Variants in FGF13 observed in about 807,000 individuals in gnomAD.
FGF13 encodes the protein fibroblast growth factor 13.
Under a neutral mutation model 19.5 loss-of-function variants are expected in FGF13, and 2 were observed. The ratio of observed to expected loss-of-function variants is 0.10; its 90% CI spans 0.04 to 0.32. The LOEUF (loss-of-function observed/expected upper bound fraction) is 0.32. Ranked by LOEUF, FGF13 falls within the 10% of genes least tolerant of loss-of-function variation. The pLI, the probability that FGF13 is intolerant of heterozygous loss-of-function variation, is 1.00. For synonymous variants in FGF13, 72 were observed against 76.9 expected (o/e 0.94, Z 0.33); for missense variants, 113 against 192.7 (o/e 0.59, Z 2.45).
At chrX:138,723,390 G>T (rs1246341976) in intron 1 of FGF13, among the ~76,000 whole-genome samples, 1 of 111,616 alleles carries the variant, frequency 9.0e-6, no homozygotes, top group African/African-American at 3.3e-5. Flanking sequence ...ATCCTTTGCA[G>T]CTTTGAAATC....
chrX:139,194,981 G>A (rs778551560), intron 1 of FGF13, among the ~76,000 whole-genome samples: 219 of 112,036 alleles, frequency 2.0e-3, no homozygotes, highest in Non-Finnish European at 3.2e-3. Flanking sequence ...CCAGGAAGGC[G>A]CTTTGTCATG....
intron 1 of FGF13, among the ~76,000 whole-genome samples, chrX:139,141,602 C>T (rs372304531): frequency 8.9e-6 from 1 of 111,757 alleles, no homozygotes; most frequent in African/African-American, 3.3e-5. Flanking sequence ...TCCCTCTAAC[C>T]GCAAAGCTCT....
intron 1 of FGF13, among the ~76,000 whole-genome samples, chrX:139,173,524 G>T (rs2084151605): frequency 9.1e-6 from 1 of 110,372 alleles, no homozygotes; most frequent in African/African-American, 3.3e-5. Context: ...TCTACATTAG[G>T]TATTTCTCCT....
intron 3 of FGF13, among the ~76,000 whole-genome samples, chrX:138,799,046 T>G (rs770878809): frequency 8.0e-5 from 9 of 112,096 alleles, no homozygotes. Flanking sequence ...GGGTTTTTTG[T>G]GTCTCTATCT....
intron 1 of FGF13, among the ~76,000 whole-genome samples, chrX:139,068,425 C>T (rs2092364593): frequency 1.0e-5 from 1 of 98,990 alleles, no homozygotes; most frequent in Non-Finnish European, 2.0e-5. Context: ...AGTGTGATGC[C>T]TCCAGCTTTG....
chrX:138,775,838 T>G (rs1319314265), intron 3 of FGF13, among the ~76,000 whole-genome samples: 1 of 112,738 alleles, frequency 8.9e-6, no homozygotes, highest in Non-Finnish European at 1.9e-5. Flanking sequence ...TTCCAGACAC[T>G]TGAGTCCATT....
chrX:138,874,560 G>A (rs1202957842), intron 1 of FGF13, among the ~76,000 whole-genome samples: 1 of 111,813 alleles, frequency 8.9e-6, no homozygotes, highest in African/African-American at 3.3e-5. Context: ...ATCTGGCAAA[G>A]CGATCATTAG....
rs188341654 is a variant in FGF13, at chrX:139,118,492, C to A, written c.-113+84924G>T. ...AGGAAACAGACAGAAAAGGAGGCCC[C>A]AGATCCATCGTAGTTTTATAGCTTT... On this transcript the variant is annotated intron_variant, in intron 1 of 2. Coordinates refer to the FGF13 transcript ENST00000421460. Among the ~76,000 whole-genome samples the A allele has an allele frequency of 1.1e-3, 123 of 111,719 alleles. No homozygotes were observed. In the Middle Eastern group the frequency reaches 0.019, roughly 17 times the overall value.
chrX:138,725,787 C>A lies in FGF13; in HGVS notation c.28+13455G>T, dbSNP rs187787769. On this transcript the variant is annotated intron_variant, in intron 1 of 4. Transcript: ENST00000305414. ...CAGGAAGCTTGAAGTTCCTCCCCCCCACAACCCTCCTGTAAAAATATTATA... is the reference window on the plus strand; with the variant it reads ...CAGGAAGCTTGAAGTTCCTCCCCCCAACAACCCTCCTGTAAAAATATTATA... Among the ~76,000 whole-genome samples the A allele has an allele frequency of 2.2e-3, 239 of 111,162 alleles. 1 individual carries two copies. Among genetic ancestry groups the A allele is most frequent in the African/African-American group, 7.1e-3 (217 of 30,650 alleles).
At chrX:139,077,507 C>T (rs1047788667) in intron 1 of FGF13, among the ~76,000 whole-genome samples, 1 of 111,391 alleles carries the variant, frequency 9.0e-6, no homozygotes, top group African/African-American at 3.3e-5. Context: ...TCTCTGGGTC[C>T]TCAGCACCTA....
At position 139,106,964 on chromosome X, in the gene FGF13, G is replaced by A. The variant is rs961718910; in HGVS notation, c.-113+96452C>T. ...GGAAAGCGAGCCTCCGGATATCTCC[G>A]GAAGGCTTCAGAAGCTTGTAATTAT... On this transcript the variant is annotated intron_variant, in intron 1 of 2. Coordinates refer to the FGF13 transcript ENST00000421460. 8.9e-5 allele frequency among the ~76,000 whole-genome samples: 10 copies of A among 111,916 alleles called. No homozygotes were observed. In the East Asian group the frequency reaches 2.3e-3, roughly 25 times the overall value.
chrX:138,739,546 A>G (rs1311059661), upstream of FGF13, among the ~76,000 whole-genome samples: 2 of 111,657 alleles, frequency 1.8e-5, no homozygotes, highest in Non-Finnish European at 3.8e-5. Context: ...AGCTTTGCCT[A>G]TACTATTTGC....
chrX:139,141,363 G>T (rs1401725866), intron 1 of FGF13, among the ~76,000 whole-genome samples: 1 of 112,095 alleles, frequency 8.9e-6, no homozygotes, highest in East Asian at 2.8e-4. Context: ...AATTACCTGT[G>T]AAATGAATAG....
rs1014224951 is a variant in FGF13, at chrX:138,631,143, T to C, written c.*1707A>G. Reference sequence around the variant, plus strand: ...GTATTGACTGTTCTCAAAGTGTTCATTGCCAGACAATGCAGCTTTGGGGAG... The same window carrying C: ...GTATTGACTGTTCTCAAAGTGTTCACTGCCAGACAATGCAGCTTTGGGGAG... On this transcript the variant is annotated 3_prime_UTR_variant, in exon 5 of 5. Coordinates refer to ENST00000315930, the MANE Select transcript of FGF13 (RefSeq NM_004114.5). The C allele has an allele frequency of 2.7e-5, 3 of 112,185 alleles. No individual in the cohort carries two copies. The highest frequency in any genetic ancestry group is 4.6e-3 in the Middle Eastern group (1 of 217). 9.2% of individuals were successfully genotyped at this position (112,185 alleles called of 1,213,427 possible).
chrX:138,978,356 G>A (rs1001182930), intron 1 of FGF13, among the ~76,000 whole-genome samples: 8 of 100,321 alleles, frequency 8.0e-5, no homozygotes, highest in African/African-American at 2.6e-4. Flanking sequence ...TCCACCTCCC[G>A]GGTTCACGCC....
chrX:138,715,936 G>GACCT (rs2090097429), upstream of FGF13: 1 of 112,114 alleles, frequency 8.9e-6, no homozygotes, highest in African/African-American at 3.2e-5. Context: ...GCTCTCAAGA[G>GACCT]GCATCTCCAG....
chrX:138,729,414 T>G (rs938172877), intron 1 of FGF13, among the ~76,000 whole-genome samples: 4 of 110,636 alleles, frequency 3.6e-5, no homozygotes, highest in Non-Finnish European at 5.7e-5. Flanking sequence ...TGACTGAATA[T>G]AGTAGAGAAA....
At chrX:138,809,744 G>T (rs888969580) in intron 3 of FGF13, among the ~76,000 whole-genome samples, 10 of 112,000 alleles carry the variant, frequency 8.9e-5, no homozygotes, top group Non-Finnish European at 1.7e-4. Context: ...CTTCAGGAAA[G>T]TCTCAGGATA....
chrX:139,107,253 G>A (rs1184577024), intron 1 of FGF13, among the ~76,000 whole-genome samples: 3 of 111,857 alleles, frequency 2.7e-5, no homozygotes, highest in Non-Finnish European at 1.9e-5. Flanking sequence ...AATTATGGTT[G>A]TGAGAGTAGA....
Sources: allele counts gnomAD v4.1 joint callset (sites outside exome capture counted in the v4.1 genomes callset), GRCh38; gene constraint gnomAD v4.1.1; transcripts MANE v1.5; gene names NCBI Gene and HGNC (gene_info 2026-07-23, HGNC 2026-07-21).